COL4A3: variants seen among roughly 807,000 people sequenced by gnomAD.
The protein encoded by COL4A3 is collagen type IV alpha 3 chain, also known as collagen alpha-3(IV) chain.
COL4A3 carries 135 observed loss-of-function variants against 217.4 expected under a neutral mutation model. The observed-to-expected ratio is 0.62, with a 90% CI of 0.54 to 0.72. The LOEUF (loss-of-function observed/expected upper bound fraction) is 0.72, where lower values mean the gene tolerates loss of function less well. COL4A3 is among the 30% of genes least tolerant of loss of function. The pLI, the probability that COL4A3 is intolerant of heterozygous loss-of-function variation, is 0.00. For missense variants in COL4A3, 1,868 were observed against 2,119.9 expected (o/e 0.88, Z 2.33); for synonymous variants, 690 against 736.3 (o/e 0.94, Z 1.02).
intron 26 of COL4A3, among the ~76,000 whole-genome samples, chr2:227,274,499 C>CA (rs982697023): frequency 6.4e-5 from 9 of 140,578 alleles, no homozygotes; most frequent in Non-Finnish European, 9.3e-5. Context: ...TTTGGAGCTG[C>CA]TTTTTTTTTT....
At chr2:227,283,478 A>C (rs2072111946) in intron 32 of COL4A3, among the ~76,000 whole-genome samples, 1 of 152,246 alleles carries the variant, frequency 6.6e-6, no homozygotes, top group Admixed American at 6.5e-5. Flanking sequence ...AAGGGATAGA[A>C]TAGAAAGTGA....
chr2:227,279,795 G>T lies in COL4A3; in HGVS notation c.2128G>T (p.Asp710Tyr). The change falls in exon 29 of 52, where the codon GAC becomes TAC. Residue 710 changes from aspartate to tyrosine, a missense_variant and splice_region_variant. Asp to Tyr is a radical substitution (Grantham distance 160, BLOSUM62 -3). This residue lies in a region of COL4A3 where 1,503 missense variants were observed against 1,786.1 expected (regional missense o/e 0.84). Coordinates refer to ENST00000396578, the MANE Select transcript of COL4A3 (RefSeq NM_000091.5). ...TGTTTATTGTTTTTTCTCTGTAGGA[G>T]ACCAAGGTTTTCCAGGTACAAAAGG... The part of the protein sequence containing the change: ...GFPGPPGPKG[D>Y]QGFPGTKGSL... 6.2e-7 allele frequency: 1 copy of T among 1,604,198 alleles called. No individual in the cohort carries two copies. The highest frequency in any genetic ancestry group is 1.1e-5 in the South Asian group (1 of 89,134).
chr2:227,273,607 G>A (rs2071373030), intron 26 of COL4A3, among the ~76,000 whole-genome samples: 1 of 152,106 alleles, frequency 6.6e-6, no homozygotes, highest in African/African-American at 2.4e-5. Flanking sequence ...GAGACAGGAT[G>A]TTGCTGTGTT....
chr2:227,307,794 T>C lies in COL4A3; in HGVS notation c.4337T>C (p.Phe1446Ser). ...GSPATWTTRGFVFTRHSQTTA... is the reference protein window; with the variant it reads ...GSPATWTTRGSVFTRHSQTTA... ...CCTGCAACCTGGACAACGAGAGGCT[T>C]TGTCTTCACCCGACACAGTCAAACC... The change falls in exon 48 of 52, where the codon TTT becomes TCT. Residue 1446 changes from phenylalanine to serine, a missense_variant. Phe to Ser is a radical substitution (Grantham distance 155). This residue lies in a region of COL4A3 where 1,503 missense variants were observed against 1,786.1 expected (regional missense o/e 0.84). Coordinates refer to ENST00000396578, the MANE Select transcript of COL4A3 (RefSeq NM_000091.5). The C allele has an allele frequency of 1.2e-6, 2 of 1,614,144 alleles. No individual in the cohort carries two copies. The highest frequency in any genetic ancestry group is 1.7e-6 in the Non-Finnish European group (2 of 1,180,016).
At chr2:227,303,753 T>C in intron 44 of COL4A3, 106 bp from the exon 45 acceptor site, 1 of 1,115,526 alleles carries the variant, frequency 9.0e-7, no homozygotes, top group Non-Finnish European at 1.4e-6. Flanking sequence ...GGACAGAGCC[T>C]CCAGGCACAC....
At chr2:227,306,152 C>G in intron 47 of COL4A3, among the ~76,000 whole-genome samples, 1 of 152,110 alleles carries the variant, frequency 6.6e-6, no homozygotes, top group Non-Finnish European at 1.5e-5. Flanking sequence ...ATTTTAATGA[C>G]CAAGGCTTTA....
At chr2:227,288,376 C>G (rs775217393) in intron 34 of COL4A3, among the ~76,000 whole-genome samples, 3 of 152,154 alleles carry the variant, frequency 2.0e-5, no homozygotes, top group Non-Finnish European at 4.4e-5. Context: ...GGATTACAGG[C>G]GTGAGCCACT....
chr2:227,186,619 G>T (rs948570215), intron 1 of COL4A3, among the ~76,000 whole-genome samples: 10 of 152,206 alleles, frequency 6.6e-5, no homozygotes, highest in African/African-American at 2.4e-4. Flanking sequence ...TATTAAGGGG[G>T]TAAGTAGGCT....
In COL4A3 at chr2:227,250,338, T is replaced by TGATAGATA. The variant is rs59489597; in HGVS notation, c.547-761_547-754dup. On this transcript the variant is annotated intron_variant, in intron 9 of 51. Transcript: ENST00000396578. The surrounding 1 kb of genome is among the most constrained non-coding windows in gnomAD (Gnocchi z 4.1). ...AAAAAATAGGTAGATAGATAAAAGA[T>TGATAGATA]GATAGATAGATAGATAGATAGATAG... 2.2e-4 allele frequency among the ~76,000 whole-genome samples: 33 copies of TGATAGATA among 146,722 alleles called. No individual in the cohort carries two copies. Among genetic ancestry groups the TGATAGATA allele is most frequent in the East Asian group, 8.1e-4 (4 of 4,908 alleles).
intron 1 of COL4A3, among the ~76,000 whole-genome samples, chr2:227,190,020 G>T (rs2066171983): frequency 6.6e-6 from 1 of 152,070 alleles, no homozygotes; most frequent in Non-Finnish European, 1.5e-5. Context: ...CATAACAGTG[G>T]CTAGGTAGAT....
intron 38 of COL4A3, 144 bp downstream of exon 38, chr2:227,293,461 A>G: frequency 2.1e-6 from 2 of 933,280 alleles, no homozygotes; most frequent in Non-Finnish European, 3.2e-6. Flanking sequence ...ATTCTAACAC[A>G]CTAAGAGAAT....
chr2:227,259,547 T>A lies in COL4A3; in HGVS notation c.1030-246T>A, dbSNP rs572950927. Among the ~76,000 whole-genome samples the A allele has an allele frequency of 1.1e-3, 174 of 152,356 alleles. 2 individuals are homozygous for A. Among genetic ancestry groups the A allele is most frequent in the Middle Eastern group, 0.01 (3 of 294 alleles). ...TGGGTGTGTAAACTGAGTCACATCATAAAATGTATTTCTAATTGAAAGCCC... is the reference window on the plus strand; with the variant it reads ...TGGGTGTGTAAACTGAGTCACATCAAAAAATGTATTTCTAATTGAAAGCCC... On this transcript the variant is annotated intron_variant, in intron 18 of 51. Transcript: ENST00000396578.
chr2:227,300,269 C>G (rs969631072), intron 43 of COL4A3, among the ~76,000 whole-genome samples: 3 of 152,160 alleles, frequency 2.0e-5, no homozygotes, highest in Non-Finnish European at 4.4e-5. Flanking sequence ...TTGGGCTGAC[C>G]TACCTGTCTC....
chr2:227,197,775 G>C (rs541307479), intron 1 of COL4A3, among the ~76,000 whole-genome samples: 2 of 152,304 alleles, frequency 1.3e-5, no homozygotes, highest in East Asian at 3.9e-4. Flanking sequence ...TGAGCCCACT[G>C]TTCTGTGCCA....
intron 50 of COL4A3, 133 bp downstream of exon 50, chr2:227,309,451 T>C: frequency 1.4e-6 from 1 of 735,556 alleles, no homozygotes; most frequent in Non-Finnish European, 2.3e-6. Flanking sequence ...GACATTTCCT[T>C]GAAAATCTAC....
chr2:227,254,256 G>T, intron 14 of COL4A3, 82 bp downstream of exon 14: 6 of 1,288,562 alleles, frequency 4.7e-6, no homozygotes, highest in African/African-American at 1.6e-5. Flanking sequence ...TTTGTCTTAA[G>T]TTGTTTTTTT....
At position 227,248,679 on chromosome 2, in the gene COL4A3, T is replaced by C. The variant is rs116673692; in HGVS notation, c.546+159T>C. Among the ~76,000 whole-genome samples the C allele has an allele frequency of 4.1e-3, 623 of 152,322 alleles. 4 individuals carry two copies. The highest frequency in any genetic ancestry group is 0.014 in the African/African-American group (594 of 41,566). ...TTCCTATTTATTCTATTTACATGTCTGGCCTCATTTCATTCTAAAGCTTTC... is the reference window on the plus strand; with the variant it reads ...TTCCTATTTATTCTATTTACATGTCCGGCCTCATTTCATTCTAAAGCTTTC... On this transcript the variant is annotated intron_variant, in intron 9 of 51. Coordinates refer to ENST00000396578, the MANE Select transcript of COL4A3 (RefSeq NM_000091.5).
At position 227,314,278 on chromosome 2, in the gene COL4A3, A is replaced by C. The variant is rs1339255718; in HGVS notation, c.*2408A>C. The C allele has an allele frequency of 6.6e-6, 1 of 152,630 alleles. No homozygotes were observed. The highest frequency in any genetic ancestry group is 1.5e-5 in the Non-Finnish European group (1 of 68,050). The allele number at this position is 152,630 out of a possible 1,614,324, so 9.5% of individuals were successfully genotyped here. A position where few individuals can be genotyped will look rare whatever the true frequency, so the allele number is the denominator to read the frequency against. On this transcript the variant is annotated 3_prime_UTR_variant, in exon 52 of 52. Transcript: ENST00000396578. ...AAGTGATGCTAAAACCTGAAATTCCAATGAAGCCATATGAACAGCTGTTCA... is the reference window on the plus strand; with the variant it reads ...AAGTGATGCTAAAACCTGAAATTCCCATGAAGCCATATGAACAGCTGTTCA...
intron 1 of COL4A3, among the ~76,000 whole-genome samples, chr2:227,176,145 G>A (rs1011575034): frequency 2.6e-5 from 4 of 152,118 alleles, no homozygotes; most frequent in African/African-American, 2.4e-5. Context: ...AGATCAACAT[G>A]GCAATTGCTC....
Sources: gnomAD v4.1 joint callset for allele counts (sites outside exome capture counted in the v4.1 genomes callset) on GRCh38, gnomAD v4.1.1 for gene constraint, gnomAD v4.1.1 regional missense constraint, Gnocchi (gnomAD v3.1) non-coding constraint, MANE v1.5 for transcripts, NCBI Gene and HGNC (gene_info 2026-07-23, HGNC 2026-07-21) for gene names.